Variants in GPC5 observed in about 807,000 individuals in gnomAD.
GPC5 encodes glypican 5, also known as glypican-5.
A neutral mutation model predicts 53.9 loss-of-function variants in GPC5; 47 were observed. That is an observed-to-expected ratio of 0.87 (90% CI 0.69 to 1.11). The LOEUF (loss-of-function observed/expected upper bound fraction) is 1.11. Ranked by LOEUF, GPC5 falls within the 50% of genes most tolerant of loss-of-function variation. The pLI is 0.00. For synonymous variants in GPC5, 286 were observed against 263.3 expected (o/e 1.09, Z -0.84); for missense variants, 748 against 713.1 (o/e 1.05, Z -0.56).
At chr13:91,713,723 C>T (rs555711257) in intron 3 of GPC5, among the ~76,000 whole-genome samples, 2 of 152,070 alleles carry the variant, frequency 1.3e-5, no homozygotes, top group South Asian at 2.1e-4. Flanking sequence ...TCTTGTCTCC[C>T]GAACCTGGTT....
At chr13:92,778,325 A>C (rs545749941) in intron 7 of GPC5, among the ~76,000 whole-genome samples, 3 of 152,178 alleles carry the variant, frequency 2.0e-5, no homozygotes, top group Non-Finnish European at 2.9e-5. Context: ...GACAAGAATC[A>C]GTCTTATAAA....
At chr13:92,492,548 A>G (rs1879807747) in intron 7 of GPC5, among the ~76,000 whole-genome samples, 1 of 152,068 alleles carries the variant, frequency 6.6e-6, no homozygotes, top group African/African-American at 2.4e-5. Flanking sequence ...AATAAAAATA[A>G]AACAAAACAA....
At chr13:92,505,900 C>G (rs1442714875) in intron 7 of GPC5, among the ~76,000 whole-genome samples, 1 of 152,006 alleles carries the variant, frequency 6.6e-6, no homozygotes, top group Non-Finnish European at 1.5e-5. Context: ...GTGTTAATCT[C>G]TAAAAAGATA....
chr13:92,405,077 T>C (rs1409355560), intron 7 of GPC5, among the ~76,000 whole-genome samples: 1 of 135,056 alleles, frequency 7.4e-6, no homozygotes, highest in Admixed American at 7.7e-5. Context: ...AATTAAACAT[T>C]GAAATAAATG....
chr13:92,076,564 ATT>A (rs35009219), intron 6 of GPC5, among the ~76,000 whole-genome samples: 1 of 148,144 alleles, frequency 6.8e-6, no homozygotes, highest in African/African-American at 2.5e-5. Context: ...CTAAGCTCAG[ATT>A]TTTTTTTTTT....
At chr13:92,682,069 A>G (rs1178856942) in intron 7 of GPC5, among the ~76,000 whole-genome samples, 1 of 152,118 alleles carries the variant, frequency 6.6e-6, no homozygotes, top group Non-Finnish European at 1.5e-5. Flanking sequence ...GCATGCATCT[A>G]TTTGTGTTTT....
chr13:91,825,057 A>G (rs1223508182), intron 5 of GPC5, among the ~76,000 whole-genome samples: 1 of 151,874 alleles, frequency 6.6e-6, no homozygotes, highest in Non-Finnish European at 1.5e-5. Context: ...TTTAATTGAT[A>G]TTCATCAATG....
intron 2 of GPC5, among the ~76,000 whole-genome samples, chr13:91,613,024 T>C (rs2033600527): frequency 6.6e-6 from 1 of 152,168 alleles, no homozygotes. Flanking sequence ...AGGGGAACTT[T>C]GGGCAAATTA....
chr13:92,265,887 G>C (rs2042799217), intron 7 of GPC5, among the ~76,000 whole-genome samples: 1 of 152,126 alleles, frequency 6.6e-6, no homozygotes, highest in Non-Finnish European at 1.5e-5. Flanking sequence ...AAGATCAAGG[G>C]GCCAGCACCT....
chr13:92,425,900 CTTTTTTCATCTAAAAATATTTCTAA>C (rs1876810770), intron 7 of GPC5, among the ~76,000 whole-genome samples: 1 of 151,976 alleles, frequency 6.6e-6, no homozygotes, highest in African/African-American at 2.4e-5. Flanking sequence ...CTATGCCTTG[CTTTTTTCATCTAAAAATATTTCTAA>C]TATCATATTT....
intron 7 of GPC5, among the ~76,000 whole-genome samples, chr13:92,215,783 G>T (rs1247203711): frequency 6.6e-6 from 1 of 152,168 alleles, no homozygotes; most frequent in African/African-American, 2.4e-5. Flanking sequence ...GTAAGGTAAG[G>T]ATAGTGGCAC....
chr13:92,483,907 GCCT>G (rs1202083026), intron 7 of GPC5, among the ~76,000 whole-genome samples: 1 of 151,940 alleles, frequency 6.6e-6, no homozygotes, highest in Non-Finnish European at 1.5e-5. Flanking sequence ...GTGGGAAAAG[GCCT>G]CCTCCTCTTG....
intron 5 of GPC5, among the ~76,000 whole-genome samples, chr13:91,852,723 G>T (rs983834133): frequency 6.6e-6 from 1 of 152,068 alleles, no homozygotes; most frequent in Non-Finnish European, 1.5e-5. Flanking sequence ...GAACTGTAAT[G>T]ATACTGCAGC....
chr13:92,440,798 G>A lies in GPC5; in HGVS notation c.1561+295809G>A, dbSNP rs576550460. On this transcript the variant is annotated intron_variant, in intron 7 of 7. Transcript: ENST00000377067. ...TTTAACAAAAGCCATTCTGACTGGT[G>A]TGAAATGGTATCTTATTGTGGTTTC... is the stretch of plus-strand genomic sequence containing the variant. Among the ~76,000 whole-genome samples the A allele has an allele frequency of 1.2e-4, 19 of 152,262 alleles. No individual in the cohort carries two copies. The South Asian group carries it at 2.9e-3, about 23-fold the overall frequency.
chr13:92,124,248 G>GAA (rs34042033), intron 6 of GPC5, among the ~76,000 whole-genome samples: 2,661 of 55,018 alleles, frequency 0.048, 257 homozygotes, highest in African/African-American at 0.15. Flanking sequence ...CGGACAGAAT[G>GAA]AAAAAAAAAA....
intron 5 of GPC5, among the ~76,000 whole-genome samples, chr13:91,891,044 G>C (rs1278237228): frequency 1.3e-5 from 2 of 151,994 alleles, no homozygotes; most frequent in Non-Finnish European, 2.9e-5. Context: ...CAACTTACAG[G>C]GTATCAAGAA....
At chr13:91,476,053 A>G (rs1298409914) in intron 2 of GPC5, among the ~76,000 whole-genome samples, 1 of 152,240 alleles carries the variant, frequency 6.6e-6, no homozygotes, top group Non-Finnish European at 1.5e-5. Context: ...TGCTAAAAGC[A>G]TACCTGCATT....
At chr13:91,609,989 A>G (rs1290162531) in intron 2 of GPC5, among the ~76,000 whole-genome samples, 1 of 152,208 alleles carries the variant, frequency 6.6e-6, no homozygotes, top group African/African-American at 2.4e-5. Context: ...TATGGAATCA[A>G]TTCATTTGCT....
intron 2 of GPC5, among the ~76,000 whole-genome samples, chr13:91,603,805 A>G (rs1344760051): frequency 6.6e-6 from 1 of 152,222 alleles, no homozygotes; most frequent in Non-Finnish European, 1.5e-5. Context: ...ATATAAATAC[A>G]TAGATAAAGA....
Sources: allele counts gnomAD v4.1 joint callset (sites outside exome capture counted in the v4.1 genomes callset), GRCh38; gene constraint gnomAD v4.1.1; transcripts MANE v1.5; gene names NCBI Gene and HGNC (gene_info 2026-07-23, HGNC 2026-07-21).